Variants in PARVG observed in about 807,000 individuals in gnomAD.
PARVG encodes the protein parvin gamma.
PARVG carries 36 observed loss-of-function variants against 44.4 expected under a neutral mutation model. That is an observed-to-expected ratio of 0.81 (90% CI 0.62 to 1.07). PARVG has a LOEUF of 1.07. Ranked by LOEUF, PARVG falls within the 50% of genes least tolerant of loss-of-function variation. The probability of loss-of-function intolerance (pLI) is 0.00; values close to 1 mark genes in which losing one functional copy is unlikely to be tolerated. For synonymous variants in PARVG, 170 were observed against 174.1 expected (o/e 0.98, Z 0.19); for missense variants, 407 against 407.4 (o/e 1.00, Z 0.01).
chr22:44,201,603 G>A (rs1411289562), intron 12 of PARVG, among the ~76,000 whole-genome samples: 19 of 152,210 alleles, frequency 1.2e-4, no homozygotes, highest in Admixed American at 1.2e-3. Context: ...CTGCTTCCTA[G>A]GTTCTTCCAT....
chr22:44,185,866 G>A lies in PARVG; in HGVS notation c.138G>A (p.Leu46=), dbSNP rs1414599468. 1.9e-6 allele frequency: 3 copies of A among 1,613,122 alleles called. No individual in the cohort carries two copies. The highest frequency in any genetic ancestry group is 2.5e-6 in the Non-Finnish European group (3 of 1,179,436). Residue 46 remains leucine, a synonymous_variant, in exon 4 of 14, where the codon CTG becomes CTA. Transcript: ENST00000444313. ...TSRKDPKFEE[L]QKVLMEWINA... ...GGAAGGACCCCAAATTTGAAGAACT[G>A]CAGAAGGTACAGCAGCCTCCACAGC... is the stretch of plus-strand genomic sequence containing the variant.
Position 44,182,807 on chromosome 22 carries a change from A to G in PARVG, c.-12-511A>G, listed in dbSNP as rs913907930. ...TCTGCCTGTAATGAGGAGGAGGAAGATGAACAGTGCCTCTGTCAACCCTGG... is the reference window on the plus strand; with the variant it reads ...TCTGCCTGTAATGAGGAGGAGGAAGGTGAACAGTGCCTCTGTCAACCCTGG... On this transcript the variant is annotated intron_variant, in intron 2 of 13. Coordinates refer to ENST00000444313, the MANE Select transcript of PARVG (RefSeq NM_022141.7). This position sits in a 1 kb window ranked among gnomAD's most constrained non-coding sequence, Gnocchi z 4.6. Among the ~76,000 whole-genome samples the G allele has an allele frequency of 2.6e-5, 4 of 152,132 alleles. 1 individual carries two copies. The highest frequency in any genetic ancestry group is 9.7e-5 in the African/African-American group (4 of 41,446).
At chr22:44,184,791 T>C (rs1468953494) in intron 3 of PARVG, 3 of 152,206 alleles carry the variant, frequency 2.0e-5, no homozygotes, top group South Asian at 2.1e-4. Context: ...GTTTAAAACA[T>C]TGAAGATTAG....
chr22:44,203,518 T>G (rs995710040), intron 12 of PARVG, among the ~76,000 whole-genome samples: 2 of 152,208 alleles, frequency 1.3e-5, no homozygotes, highest in African/African-American at 4.8e-5. Context: ...GTTTGGGAGA[T>G]GCTGGCTCGC....
chr22:44,203,372 T>G (rs1228707297), intron 12 of PARVG, among the ~76,000 whole-genome samples: 1 of 152,156 alleles, frequency 6.6e-6, no homozygotes, highest in Non-Finnish European at 1.5e-5. Flanking sequence ...GTCTTGAAGG[T>G]TCATGCGGCC....
At chr22:44,199,981 A>T (rs958615651) in intron 12 of PARVG, among the ~76,000 whole-genome samples, 1 of 152,014 alleles carries the variant, frequency 6.6e-6, no homozygotes, top group African/African-American at 2.4e-5. Context: ...GGGAAGAGGG[A>T]TGAAGAGAGT....
Position 44,187,854 on chromosome 22 carries a change from G to A in PARVG, c.223G>A (p.Gly75Arg), listed in dbSNP as rs747400235. 19 of 1,614,094 alleles carry A rather than the reference G, an allele frequency of 1.2e-5. No individual in the cohort carries two copies. The highest frequency in any genetic ancestry group is 7.7e-5 in the South Asian group (7 of 91,094). ...CAGCCTGGAGGAGGACATGTTCGAC[G>A]GGCTCATCCTACACCACCTATTCCG... ...VRSLEEDMFD[G>R]LILHHLFQRL... Residue 75 changes from glycine to arginine, a missense_variant, in exon 5 of 14, where the codon GGG (glycine) becomes AGG (arginine). By Grantham distance (125) the Gly-to-Arg change is moderately radical. Coordinates refer to ENST00000444313, the MANE Select transcript of PARVG (RefSeq NM_022141.7).
At chr22:44,179,619 G>A (rs9626126), upstream of PARVG, among the ~76,000 whole-genome samples, 9 of 152,142 alleles carry the variant, frequency 5.9e-5, no homozygotes, top group Admixed American at 2.0e-4. The surrounding 1 kb of genome is among the most constrained non-coding windows in gnomAD (Gnocchi z 4.2). Flanking sequence ...CACAGGCTAC[G>A]ATCTATTAGA....
Position 44,193,756 on chromosome 22 carries a change from GTTTT to G in PARVG, c.561-38_561-35del, listed in dbSNP as rs3842781. On this transcript the variant is annotated intron_variant, in intron 8 of 13. Transcript: ENST00000444313. ...TTGAGAAATTGTAGGTTTGCGGGGT[GTTTT>G]TTTTTTAACCATTTGTTTGCTTTTT... The G allele has an allele frequency of 3.5e-6, 5 of 1,424,982 alleles. No homozygotes were observed. The African/African-American group carries it at 7.2e-5, about 21-fold the overall frequency. 88.3% of individuals were successfully genotyped at this position (1,424,982 alleles called of 1,614,324 possible). A position where few individuals can be genotyped will look rare whatever the true frequency, so the allele number is the denominator to read the frequency against.
intron 3 of PARVG, chr22:44,185,390 C>T: frequency 6.0e-6 from 1 of 165,850 alleles, no homozygotes; most frequent in Non-Finnish European, 1.3e-5. Flanking sequence ...CTGAGGGCCA[C>T]CCCGGGGAGT....
At chr22:44,206,296 C>G in intron 13 of PARVG, 21 bp from the exon 14 acceptor site, 1 of 1,591,332 alleles carries the variant, frequency 6.3e-7, no homozygotes, top group Middle Eastern at 1.7e-4. Flanking sequence ...ACTGGCTGCC[C>G]TGCCCTCCTT....
chr22:44,176,000 A>T (rs2054315827), upstream of PARVG, among the ~76,000 whole-genome samples: 1 of 152,084 alleles, frequency 6.6e-6, no homozygotes, highest in African/African-American at 2.4e-5. Context: ...ACCTTTGTGG[A>T]TGTTTGGTGT....
rs749174043 is a variant in PARVG at position 44,190,565 on chromosome 22, G to C, written c.403G>C (p.Asp135His). ...TCTCTTCCCAGGCATCTTCAACAAG[G>C]ACCTGTTGTCTACCCTGCACCTCCT... ...KWSVESIFNK[D>H]LLSTLHLLVA... The change falls in exon 7 of 14, where the codon GAC becomes CAC. Residue 135 changes from aspartate to histidine, a missense_variant. Asp to His is a moderately conservative substitution (Grantham distance 81). Coordinates refer to ENST00000444313, the MANE Select transcript of PARVG (RefSeq NM_022141.7). 1.2e-5 allele frequency: 20 copies of C among 1,613,970 alleles called. No individual in the cohort carries two copies. Among genetic ancestry groups the C allele is most frequent in the Middle Eastern group, 3.3e-4 (2 of 6,084 alleles).
chr22:44,177,594 T>C (rs911168558), upstream of PARVG, among the ~76,000 whole-genome samples: 1 of 152,210 alleles, frequency 6.6e-6, no homozygotes, highest in Non-Finnish European at 1.5e-5. Flanking sequence ...TCTTGCAGCT[T>C]GGATTGATCT....
chr22:44,196,541 G>T, intron 11 of PARVG, 126 bp downstream of exon 11: 3 of 1,153,844 alleles, frequency 2.6e-6, no homozygotes, highest in South Asian at 2.7e-5. Context: ...GAGCCTTAGG[G>T]TCCCCCTCCC....
chr22:44,205,663 TC>T (rs1454367550), intron 12 of PARVG, 93 bp from the exon 13 acceptor site: 3 of 1,462,554 alleles, frequency 2.1e-6, no homozygotes, highest in Non-Finnish European at 2.8e-6. Context: ...ATGATGGACA[TC>T]ACAGACAACA....
chr22:44,177,877 A>G (rs1281330702), upstream of PARVG, among the ~76,000 whole-genome samples: 1 of 152,178 alleles, frequency 6.6e-6, no homozygotes, highest in African/African-American at 2.4e-5. Context: ...AAAAATATAT[A>G]TTACTTAGTT....
chr22:44,188,060 G>T (rs2054499008), intron 5 of PARVG, 182 bp downstream of exon 5: 2 of 651,148 alleles, frequency 3.1e-6, no homozygotes, highest in Non-Finnish European at 5.3e-6. Flanking sequence ...CAGCCCATGA[G>T]TGAGGGGGCC....
chr22:44,178,183 T>G (rs535115176), upstream of PARVG, among the ~76,000 whole-genome samples: 2 of 152,328 alleles, frequency 1.3e-5, no homozygotes, highest in East Asian at 1.9e-4. Flanking sequence ...AGCATGGAAA[T>G]GGACTAATAC....
Sources: allele counts gnomAD v4.1 joint callset (sites outside exome capture counted in the v4.1 genomes callset), GRCh38; gene constraint gnomAD v4.1.1; non-coding constraint Gnocchi (gnomAD v3.1); transcripts MANE v1.5; gene names NCBI Gene and HGNC (gene_info 2026-07-23, HGNC 2026-07-21).